RNF32: variants seen among roughly 807,000 people sequenced by gnomAD.
RNF32 encodes the protein ring finger protein 32.
In RNF32, 36 loss-of-function variants were observed where a neutral mutation model predicts 41.0. The ratio of observed to expected loss-of-function variants is 0.88; its 90% confidence interval spans 0.67 to 1.16. RNF32 has a LOEUF of 1.16. Among genes scored for constraint, RNF32 ranks in the 50% most tolerant of loss-of-function variants. RNF32 has a pLI of 0.00. For synonymous variants in RNF32, 154 were observed against 160.9 expected, an observed-to-expected ratio of 0.96 and a Z score of 0.32; for missense variants, 413 against 436.7, an observed-to-expected ratio of 0.95 and a Z score of 0.48.
chr7:156,641,369 C>T (rs1319760716), intron 1 of RNF32, among the ~76,000 whole-genome samples: 1 of 152,178 alleles, frequency 6.6e-6, no homozygotes, highest in Non-Finnish European at 1.5e-5. Flanking sequence ...CAAGCTCTGC[C>T]TCTTGAGCGT....
rs1200684154 is a variant in RNF32 at position 156,654,556 on chromosome 7, C to A, written c.275-20C>A. ...TGCTAAAAGACACTCTAACTCCTGT[C>A]CTGTGCTGTCTTACTTTAGCACAGA... On this transcript the variant is annotated intron_variant, in intron 3 of 8. Transcript: ENST00000317955. 6.2e-7 allele frequency: 1 copy of A among 1,610,692 alleles called. No individual in the cohort carries two copies. Among genetic ancestry groups the A allele is most frequent in the East Asian group, 2.2e-5 (1 of 44,814 alleles).
chr7:156,651,711 TAC>T (rs748511086), intron 3 of RNF32, among the ~76,000 whole-genome samples: 2 of 152,366 alleles, frequency 1.3e-5, no homozygotes, highest in South Asian at 2.1e-4. Context: ...TGTTCTATAT[TAC>T]AGTTTCCTTC....
intron 3 of RNF32, 90 bp downstream of exon 3, chr7:156,644,847 A>G: frequency 7.4e-7 from 1 of 1,346,032 alleles, no homozygotes. Context: ...TTACAGAAAT[A>G]ACTTATTTAT....
intron 1 of RNF32, chr7:156,642,933 G>A (rs115696190): frequency 4.6e-4 from 70 of 152,362 alleles, no homozygotes; most frequent in African/African-American, 1.7e-3. Flanking sequence ...TTCTGTGCCA[G>A]TTCCTAGATT....
intron 1 of RNF32, chr7:156,643,016 T>C (rs1238589475): frequency 6.6e-6 from 1 of 152,204 alleles, no homozygotes; most frequent in East Asian, 1.9e-4. Context: ...ATACACCATG[T>C]CCAAAATCTA....
intron 7 of RNF32, chr7:156,659,302 C>T (rs2131516435): frequency 3.5e-5 from 35 of 999,780 alleles, no homozygotes; most frequent in Non-Finnish European, 4.2e-5. Flanking sequence ...TATTTATTAT[C>T]ACTATTAACT....
Position 156,676,895 on chromosome 7 carries a change from C to CA in RNF32, c.*246dup, listed in dbSNP as rs1383547509. ...GTTTAATCACTTCAAATATGAATAG[C>CA]AAAAAATGAGAGCTTGCTTACTTCT... On this transcript the variant is annotated 3_prime_UTR_variant, in exon 9 of 9. Transcript: ENST00000317955. 4 of 461,564 alleles carry CA rather than the reference C, an allele frequency of 8.7e-6. No individual in the cohort carries two copies. In the Admixed American group the frequency reaches 1.1e-4, roughly 12 times the overall value. 28.6% of individuals were successfully genotyped at this position (461,564 alleles called of 1,614,324 possible).
chr7:156,656,873 G>C (rs1234279752), intron 4 of RNF32, among the ~76,000 whole-genome samples: 1 of 152,250 alleles, frequency 6.6e-6, no homozygotes, highest in Non-Finnish European at 1.5e-5. Flanking sequence ...AGCCCGCAGG[G>C]CCTGGCGCTG....
At chr7:156,645,271 C>T (rs540363515) in intron 3 of RNF32, among the ~76,000 whole-genome samples, 3 of 152,300 alleles carry the variant, frequency 2.0e-5, no homozygotes, top group Admixed American at 6.5e-5. Context: ...ACAGTTGTAA[C>T]GCTTGGCAAG....
intron 7 of RNF32, among the ~76,000 whole-genome samples, chr7:156,665,869 G>A (rs1056422564): frequency 3.3e-5 from 5 of 152,210 alleles, no homozygotes; most frequent in Non-Finnish European, 7.3e-5. Flanking sequence ...CAGAATCATT[G>A]TGTAAAAGAA....
At position 156,657,666 on chromosome 7, in the gene RNF32, C is replaced by T. The variant is rs1252746537; in HGVS notation, c.450+93C>T. On this transcript the variant is annotated intron_variant, in intron 5 of 8. Coordinates refer to ENST00000317955, the MANE Select transcript of RNF32 (RefSeq NM_030936.4). ...TCATTTTCAAGGCTCCTAAGGAGAG[C>T]CATTTATTTTATTCATCACCACCAT... 2.5e-6 allele frequency: 3 copies of T among 1,213,982 alleles called. No homozygotes were observed. The East Asian group carries it at 7.0e-5, about 28-fold the overall frequency. The allele number at this position is 1,213,982 out of a possible 1,614,324, so 75.2% of individuals were successfully genotyped here. A position where few individuals can be genotyped will look rare whatever the true frequency, so the allele number is the denominator to read the frequency against.
rs545008620 is a variant in RNF32, at chr7:156,673,631, C to G, written c.685-2065C>G. 5.3e-5 allele frequency among the ~76,000 whole-genome samples: 8 copies of G among 152,266 alleles called. No homozygotes were observed. The East Asian group carries it at 7.7e-4, about 15-fold the overall frequency. ...GTGCCTGGAAGATCCTCAGCCACCCCCTTCATTCAAACCCCAACCCTTGTG... is the reference window on the plus strand; with the variant it reads ...GTGCCTGGAAGATCCTCAGCCACCCGCTTCATTCAAACCCCAACCCTTGTG... On this transcript the variant is annotated intron_variant, in intron 7 of 8. Coordinates refer to ENST00000317955, the MANE Select transcript of RNF32 (RefSeq NM_030936.4).
chr7:156,664,878 G>GT (rs1390880605), intron 7 of RNF32, among the ~76,000 whole-genome samples: 1 of 152,018 alleles, frequency 6.6e-6, no homozygotes, highest in East Asian at 1.9e-4. Flanking sequence ...GAATTGTATT[G>GT]TTTTCACCAA....
chr7:156,646,815 A>C (rs1563069107), intron 3 of RNF32, among the ~76,000 whole-genome samples: 1 of 152,224 alleles, frequency 6.6e-6, no homozygotes, highest in East Asian at 1.9e-4. Flanking sequence ...CTATGGTTTG[A>C]ATGTTTGTCC....
chr7:156,654,511 A>C lies in RNF32; in HGVS notation c.275-65A>C. ...CTTTGTTTGCAAATGGTGTCATTAA[A>C]GTTATAGGTGGGTGCCATATGCTAA... On this transcript the variant is annotated intron_variant, in intron 3 of 8. Coordinates refer to ENST00000317955, the MANE Select transcript of RNF32 (RefSeq NM_030936.4). The C allele has an allele frequency of 2.1e-6, 3 of 1,417,192 alleles. No homozygotes were observed. The Admixed American group carries it at 5.9e-5, about 28-fold the overall frequency. The allele number at this position is 1,417,192 out of a possible 1,614,324, so 87.8% of individuals were successfully genotyped here.
At chr7:156,653,423 G>T (rs1386140182) in intron 3 of RNF32, among the ~76,000 whole-genome samples, 9 of 152,172 alleles carry the variant, frequency 5.9e-5, no homozygotes, top group Admixed American at 4.6e-4. Context: ...ATCGCCTGTT[G>T]TTAAGCATCT....
At chr7:156,660,603 C>T (rs993396419) in intron 7 of RNF32, among the ~76,000 whole-genome samples, 2 of 152,168 alleles carry the variant, frequency 1.3e-5, no homozygotes, top group African/African-American at 4.8e-5. Flanking sequence ...CCCACCTCAG[C>T]CTCCCAGTTA....
chr7:156,650,327 C>G (rs1237455544), intron 3 of RNF32, among the ~76,000 whole-genome samples: 1 of 152,200 alleles, frequency 6.6e-6, no homozygotes, highest in African/African-American at 2.4e-5. Context: ...CCTTCCGCTT[C>G]ACCTGAGACG....
rs923546247 is a variant in RNF32 at position 156,676,242 on chromosome 7, T to C, written c.853-177T>C. Reference sequence around the variant, plus strand: ...TCCCAGGAGTAACAGAGTATATGTGTGTGTATATATATATGTATATATATA... The same window carrying C: ...TCCCAGGAGTAACAGAGTATATGTGCGTGTATATATATATGTATATATATA... On this transcript the variant is annotated intron_variant, in intron 8 of 8. Coordinates refer to ENST00000317955, the MANE Select transcript of RNF32 (RefSeq NM_030936.4). The C allele has an allele frequency of 6.4e-5, 96 of 1,501,012 alleles. No homozygotes were observed. The Admixed American group carries it at 2.0e-3, about 31-fold the overall frequency. The allele number at this position is 1,501,012 out of a possible 1,614,324, so 93.0% of individuals were successfully genotyped here.
Sources: gnomAD v4.1 joint callset for allele counts (sites outside exome capture counted in the v4.1 genomes callset) on GRCh38, gnomAD v4.1.1 for gene constraint, MANE v1.5 for transcripts, NCBI Gene and HGNC (gene_info 2026-07-23, HGNC 2026-07-21) for gene names.